The following RHOU variants were observed in gnomAD, a reference collection of about 807,000 sequenced individuals.
RHOU encodes ras homolog family member U.
RHOU carries 8 observed loss-of-function variants against 12.6 expected under a neutral mutation model. That is an observed-to-expected ratio of 0.64 (90% CI 0.37 to 1.15). RHOU has a LOEUF of 1.15. Ranked by LOEUF, RHOU falls within the 50% of genes most tolerant of loss-of-function variation. RHOU has a pLI of 0.01. For missense variants in RHOU, 258 were observed against 347.0 expected (o/e 0.74, Z 2.04); for synonymous variants, 161 against 147.4 (o/e 1.09, Z -0.67).
At chr1:228,649,183 A>G in the RHOU span, among the ~76,000 whole-genome samples, 69 of 152,302 alleles carry the variant, frequency 4.5e-4, 1 homozygote, top group African/African-American at 1.6e-3. Context: ...TTTTTCTAAA[A>G]GCCATGTATT....
chr1:228,696,766 C>T, the RHOU span, among the ~76,000 whole-genome samples: 1 of 151,876 alleles, frequency 6.6e-6, no homozygotes, highest in Non-Finnish European at 1.5e-5. Flanking sequence ...AGGCTGGTCT[C>T]GAACTCCGAG....
upstream of RHOU, among the ~76,000 whole-genome samples, chr1:228,731,940 A>AG (rs1662507358): frequency 6.6e-6 from 1 of 152,220 alleles, no homozygotes; most frequent in South Asian, 2.1e-4. Context: ...GGAATACATG[A>AG]GGTGTAATGC....
At chr1:228,648,771 A>G in the RHOU span, among the ~76,000 whole-genome samples, 68 of 152,136 alleles carry the variant, frequency 4.5e-4, no homozygotes, top group South Asian at 0.014. Context: ...TACTTCTACT[A>G]GAGATCTGTT....
At chr1:228,674,835 G>A in the RHOU span, among the ~76,000 whole-genome samples, 5 of 151,676 alleles carry the variant, frequency 3.3e-5, no homozygotes, top group Non-Finnish European at 2.9e-5. Context: ...GGTTCACGCC[G>A]TTCTCCTGTC....
At chr1:228,742,154 A>G (rs1210393063) in intron 2 of RHOU, among the ~76,000 whole-genome samples, 1 of 152,252 alleles carries the variant, frequency 6.6e-6, no homozygotes, top group Non-Finnish European at 1.5e-5. Flanking sequence ...GCACCAACAG[A>G]TATACATTTT....
At chr1:228,707,201 A>G in the RHOU span, among the ~76,000 whole-genome samples, 4 of 116,454 alleles carry the variant, frequency 3.4e-5, no homozygotes, top group Non-Finnish European at 1.6e-5. Flanking sequence ...ATATACATAT[A>G]TATACATATA....
the RHOU span, chr1:228,651,080 C>T: frequency 4.2e-6 from 1 of 238,146 alleles, no homozygotes. Context: ...GCACTTCTGC[C>T]TGAAGGAGGC....
chr1:228,714,740 C>CTTTTT, the RHOU span, among the ~76,000 whole-genome samples: 427 of 83,704 alleles, frequency 5.1e-3, 9 homozygotes, highest in Non-Finnish European at 6.7e-3. Context: ...TGTTAATTAT[C>CTTTTT]TTTTTTTTTT....
chr1:228,662,494 T>C, the RHOU span, among the ~76,000 whole-genome samples: 2 of 152,144 alleles, frequency 1.3e-5, no homozygotes, highest in South Asian at 2.1e-4. Context: ...TGGAATACTA[T>C]GCTGCCACAA....
At chr1:228,686,731 A>G in the RHOU span, among the ~76,000 whole-genome samples, 1 of 152,104 alleles carries the variant, frequency 6.6e-6, no homozygotes, top group Non-Finnish European at 1.5e-5. Context: ...GATAATCCCA[A>G]CCAAAAAGCA....
chr1:228,725,296 CCAGAGGAATTTTTTA>C, the RHOU span, among the ~76,000 whole-genome samples: 1 of 152,074 alleles, frequency 6.6e-6, no homozygotes, highest in Admixed American at 6.5e-5. Context: ...AAGGAATAGC[CCAGAGGAATTTTTTA>C]CTCAGTGGTT....
chr1:228,655,930 G>A, the RHOU span, among the ~76,000 whole-genome samples: 1 of 152,098 alleles, frequency 6.6e-6, no homozygotes, highest in Admixed American at 6.5e-5. Context: ...CTACAAACTT[G>A]CACAAAGACC....
rs769050110 is a variant in RHOU at position 228,743,735 on chromosome 1, G to C, written c.772G>C (p.Val258Leu). The change falls in exon 3 of 3, where the codon GTA (valine) becomes CTA (leucine). Residue 258 changes from valine to leucine, a missense_variant. Transcript: ENST00000366691. The surrounding 1 kb of genome is among the most constrained non-coding windows in gnomAD (Gnocchi z 5.1). ...CTGGTGGAAGAAGTACTGCTGTTTCGTATGATGCTGGCAAGACACCCAGAA... is the reference window on the plus strand; with the variant it reads ...CTGGTGGAAGAAGTACTGCTGTTTCCTATGATGCTGGCAAGACACCCAGAA... ...KSWWKKYCCF[V>L] 2 of 1,609,250 alleles carry C rather than the reference G, an allele frequency of 1.2e-6. No individual in the cohort carries two copies. Among genetic ancestry groups the C allele is most frequent in the Admixed American group, 1.7e-5 (1 of 59,358 alleles).
the RHOU span, among the ~76,000 whole-genome samples, chr1:228,681,935 A>T: frequency 6.6e-6 from 1 of 152,114 alleles, no homozygotes; most frequent in Admixed American, 6.5e-5. Context: ...ACTTGCCACC[A>T]AGGGAATGTG....
At chr1:228,707,685 A>G in the RHOU span, among the ~76,000 whole-genome samples, 3 of 152,318 alleles carry the variant, frequency 2.0e-5, no homozygotes, top group South Asian at 6.2e-4. Context: ...GACCAAAAGT[A>G]GATAAAACCA....
chr1:228,675,919 G>A, the RHOU span, among the ~76,000 whole-genome samples: 2 of 151,842 alleles, frequency 1.3e-5, no homozygotes, highest in African/African-American at 4.8e-5. Flanking sequence ...GAGAACAGAG[G>A]AGAAACTCAA....
At chr1:228,691,556 T>C in the RHOU span, among the ~76,000 whole-genome samples, 1 of 152,174 alleles carries the variant, frequency 6.6e-6, no homozygotes, top group Non-Finnish European at 1.5e-5. Flanking sequence ...CATTTAAGGT[T>C]CTTCATGTCT....
At chr1:228,691,324 T>C in the RHOU span, among the ~76,000 whole-genome samples, 2 of 152,140 alleles carry the variant, frequency 1.3e-5, no homozygotes, top group African/African-American at 2.4e-5. Context: ...TTTTGACAAA[T>C]GTGTAAGGAC....
chr1:228,717,816 A>G, the RHOU span, among the ~76,000 whole-genome samples: 1 of 152,226 alleles, frequency 6.6e-6, no homozygotes, highest in African/African-American at 2.4e-5. Flanking sequence ...GAACTGTTCC[A>G]TGGACAGCTC....
Sources: gnomAD v4.1 joint callset for allele counts (sites outside exome capture counted in the v4.1 genomes callset) on GRCh38, gnomAD v4.1.1 for gene constraint, Gnocchi (gnomAD v3.1) non-coding constraint, MANE v1.5 for transcripts, NCBI Gene and HGNC (gene_info 2026-07-23, HGNC 2026-07-21) for gene names.